PCCA: variants seen among roughly 807,000 people sequenced by gnomAD.
PCCA encodes the protein propionyl-CoA carboxylase subunit alpha.
Under a neutral mutation model 101.3 loss-of-function variants are expected in PCCA, and 74 were observed. The ratio of observed to expected loss-of-function variants is 0.73; its 90% CI spans 0.61 to 0.89. The LOEUF is 0.89. PCCA is among the 40% of genes least tolerant of loss of function. The pLI, the probability that PCCA is intolerant of heterozygous loss-of-function variation, is 0.00. For missense variants in PCCA, 891 were observed against 907.0 expected (o/e 0.98, Z 0.23); for synonymous variants, 294 against 313.6 (o/e 0.94, Z 0.66).
intron 4 of PCCA, among the ~76,000 whole-genome samples, chr13:100,128,454 T>A (rs2050173768): frequency 6.6e-6 from 1 of 152,100 alleles, no homozygotes; most frequent in African/African-American, 2.4e-5. Context: ...AATTACAAAT[T>A]GTGATAAGTG....
In PCCA at chr13:100,514,671, C is replaced by T. The variant is rs539480800; in HGVS notation, c.1900-756C>T. On this transcript the variant is annotated intron_variant, in intron 21 of 23. Transcript: ENST00000376285. The stretch of plus-strand genomic sequence containing the variant: ...CTTCACTGAACTGCCCTAAATATGC[C>T]CGATTGTTTGAGAGCCACCTACAGA... 1.2e-4 allele frequency among the ~76,000 whole-genome samples: 18 copies of T among 152,184 alleles called. 1 individual carries two copies. The South Asian group carries it at 3.1e-3, about 26-fold the overall frequency.
intron 12 of PCCA, among the ~76,000 whole-genome samples, chr13:100,294,327 C>T (rs962514166): frequency 3.9e-5 from 6 of 152,110 alleles, no homozygotes; most frequent in East Asian, 1.9e-4. Flanking sequence ...CTTCAACATA[C>T]GAATTTTGGG....
intron 19 of PCCA, among the ~76,000 whole-genome samples, 175 bp from the exon 20 acceptor site, chr13:100,425,458 G>A (rs977281799): frequency 2.0e-5 from 3 of 152,238 alleles, no homozygotes; most frequent in Non-Finnish European, 4.4e-5. Flanking sequence ...TCTCCCCAGA[G>A]ATGACTGGGA....
chr13:100,260,062 A>G (rs1254836955), intron 9 of PCCA, among the ~76,000 whole-genome samples: 1 of 152,182 alleles, frequency 6.6e-6, no homozygotes, highest in Non-Finnish European at 1.5e-5. Context: ...CTCAATCATT[A>G]TAGTGGAGGC....
intron 21 of PCCA, among the ~76,000 whole-genome samples, chr13:100,497,178 C>A (rs1460424187): frequency 1.3e-5 from 2 of 152,198 alleles, no homozygotes; most frequent in Non-Finnish European, 2.9e-5. Context: ...AGTTTCATCA[C>A]AGGATGCACA....
chr13:100,222,512 C>T (rs2059881641), intron 7 of PCCA, among the ~76,000 whole-genome samples: 2 of 152,322 alleles, frequency 1.3e-5, no homozygotes, highest in South Asian at 4.1e-4. Flanking sequence ...CTTGGAGCTA[C>T]ACCATTCACA....
At position 100,208,459 on chromosome 13, in the gene PCCA, C is replaced by T. The variant is rs144621326; in HGVS notation, c.469-873C>T. Among the ~76,000 whole-genome samples, 302 of 152,258 alleles carry T rather than the reference C, an allele frequency of 2.0e-3. 1 individual carries two copies. The highest frequency in any genetic ancestry group is 6.5e-3 in the African/African-American group (270 of 41,558). The stretch of plus-strand genomic sequence containing the variant: ...ACAATCAGCAGTTAGGCGCCTTCCT[C>T]GAGGAAGGCCTGCATATAGGTCTGG... On this transcript the variant is annotated intron_variant, in intron 6 of 23. Transcript: ENST00000376285.
chr13:100,436,118 G>A (rs2079914175), intron 20 of PCCA, among the ~76,000 whole-genome samples: 1 of 152,068 alleles, frequency 6.6e-6, no homozygotes, highest in Non-Finnish European at 1.5e-5. Context: ...CCTGAGCAGT[G>A]GCTCAAGGGC....
At chr13:100,373,515 C>T (rs914413913) in intron 19 of PCCA, among the ~76,000 whole-genome samples, 2 of 152,038 alleles carry the variant, frequency 1.3e-5, no homozygotes, top group African/African-American at 4.8e-5. Flanking sequence ...AAATACTGTA[C>T]GATTCCACTT....
intron 21 of PCCA, among the ~76,000 whole-genome samples, chr13:100,499,044 A>G (rs569219176): frequency 6.6e-5 from 10 of 152,310 alleles, no homozygotes; most frequent in Non-Finnish European, 1.5e-4. Context: ...ATGTCAATTC[A>G]CGTTATTGTG....
At position 100,324,067 on chromosome 13, in the gene PCCA, G is replaced by A. The variant is rs543331011; in HGVS notation, c.1430-6494G>A. Among the ~76,000 whole-genome samples, 18 of 152,236 alleles carry A rather than the reference G, an allele frequency of 1.2e-4. 1 individual carries two copies. In the South Asian group the frequency reaches 3.7e-3, roughly 32 times the overall value. The stretch of plus-strand genomic sequence containing the variant: ...GTACAGATTAGAACCATACAAGAGT[G>A]GACTAAAGTAATAGGAAGGAATGAA... On this transcript the variant is annotated intron_variant, in intron 16 of 23. Coordinates refer to ENST00000376285, the MANE Select transcript of PCCA (RefSeq NM_000282.4).
In PCCA at chr13:100,390,244, A is replaced by G. The variant is rs551405941; in HGVS notation, c.1746+21670A>G. Among the ~76,000 whole-genome samples the G allele has an allele frequency of 5.3e-5, 8 of 152,336 alleles. No homozygotes were observed. The East Asian group carries it at 1.5e-3, about 29-fold the overall frequency. ...ACAATCTACTTTCATTTCTATTCCA[A>G]TCCTATAAAGCATAAGTACTATTAT... is the stretch of plus-strand genomic sequence containing the variant. On this transcript the variant is annotated intron_variant, in intron 19 of 23. Transcript: ENST00000376285.
At chr13:100,290,714 A>C (rs1358124535) in intron 12 of PCCA, among the ~76,000 whole-genome samples, 1 of 152,148 alleles carries the variant, frequency 6.6e-6, no homozygotes, top group African/African-American at 2.4e-5. Context: ...TCCTTGTGGA[A>C]CTTCTAGTTT....
At chr13:100,320,911 G>A (rs960202102) in intron 16 of PCCA, among the ~76,000 whole-genome samples, 9 of 151,952 alleles carry the variant, frequency 5.9e-5, no homozygotes, top group Admixed American at 5.3e-4. Flanking sequence ...CACCCTACGC[G>A]GCTAATTTTT....
At chr13:100,210,469 A>G (rs562162397) in intron 7 of PCCA, among the ~76,000 whole-genome samples, 9 of 152,302 alleles carry the variant, frequency 5.9e-5, no homozygotes, top group African/African-American at 2.2e-4. Context: ...GTTTCTCTGT[A>G]TATCTTTATC....
intron 10 of PCCA, among the ~76,000 whole-genome samples, chr13:100,266,888 A>G (rs992853557): frequency 6.6e-6 from 1 of 152,224 alleles, no homozygotes; most frequent in African/African-American, 2.4e-5. Flanking sequence ...TTCTACATTC[A>G]GTACGTGTAA....
At chr13:100,240,580 C>T (rs1284066014) in intron 8 of PCCA, among the ~76,000 whole-genome samples, 1 of 151,626 alleles carries the variant, frequency 6.6e-6, no homozygotes, top group Non-Finnish European at 1.5e-5. Context: ...TCATGATTTG[C>T]AGATTTTTTT....
intron 19 of PCCA, among the ~76,000 whole-genome samples, chr13:100,397,634 T>C (rs1195445984): frequency 6.6e-6 from 1 of 152,188 alleles, no homozygotes; most frequent in African/African-American, 2.4e-5. Context: ...TGTTTAAACC[T>C]TAAAAAAAGA....
At chr13:100,217,919 G>GA (rs956495957) in intron 7 of PCCA, among the ~76,000 whole-genome samples, 3 of 138,518 alleles carry the variant, frequency 2.2e-5, no homozygotes, top group Non-Finnish European at 4.7e-5. Context: ...ACTAAAAATA[G>GA]AAAAAAATAA....
Sources: gnomAD v4.1 joint callset for allele counts (sites outside exome capture counted in the v4.1 genomes callset) on GRCh38, gnomAD v4.1.1 for gene constraint, MANE v1.5 for transcripts, NCBI Gene and HGNC (gene_info 2026-07-23, HGNC 2026-07-21) for gene names.